Variants in IQSEC1 observed in about 807,000 individuals in gnomAD.
The protein encoded by IQSEC1 is IQ motif and SEC7 domain-containing protein 1.
IQSEC1 carries 31 observed loss-of-function variants against 91.0 expected under a neutral mutation model. The observed-to-expected ratio is 0.34, with a 90% confidence interval of 0.26 to 0.46. The LOEUF is 0.46. IQSEC1 is among the 20% of genes least tolerant of loss of function. IQSEC1 has a pLI of 1.00. For missense variants in IQSEC1, 1,388 were observed against 1,575.6 expected (o/e 0.88, Z 2.02); for synonymous variants, 699 against 662.6 (o/e 1.05, Z -0.84).
chr3:13,267,132 T>C (rs1037818245), intron 1 of IQSEC1, among the ~76,000 whole-genome samples: 3 of 152,108 alleles, frequency 2.0e-5, no homozygotes, highest in African/African-American at 4.8e-5. Flanking sequence ...GCCCTCCTGA[T>C]TGGGATAAGT....
upstream of IQSEC1, among the ~76,000 whole-genome samples, chr3:13,077,685 T>A (rs1705584468): frequency 2.6e-5 from 4 of 152,126 alleles, no homozygotes; most frequent in Non-Finnish European, 5.9e-5. Flanking sequence ...ACCCCTCACG[T>A]GCAGGTGGCT....
intron 1 of IQSEC1, among the ~76,000 whole-genome samples, chr3:13,254,021 C>T (rs1695244417): frequency 6.6e-6 from 1 of 152,218 alleles, no homozygotes; most frequent in Non-Finnish European, 1.5e-5. Flanking sequence ...GCAGCCCCTC[C>T]ACATAACTAC....
intron 1 of IQSEC1, among the ~76,000 whole-genome samples, chr3:13,196,043 T>C (rs1444930289): frequency 6.6e-6 from 1 of 152,104 alleles, no homozygotes; most frequent in African/African-American, 2.4e-5. Context: ...AGAGTTTCGG[T>C]TTTTTACAAA....
In IQSEC1 at chr3:13,131,478, C is replaced by CTTTT. The variant is rs61345195; in HGVS notation, c.302+32622_302+32625dup. ...GAAATGTTTAGGTTTAAATCTATGT[C>CTTTT]TTTTTTTTTTTTTTTTTTTTTTTTT... On this transcript the variant is annotated intron_variant, in intron 2 of 15. Transcript: ENST00000648114. Among the ~76,000 whole-genome samples, 62 of 81,706 alleles carry CTTTT rather than the reference C, an allele frequency of 7.6e-4. 5 individuals carry two copies. Among genetic ancestry groups the CTTTT allele is most frequent in the African/African-American group, 2.6e-3 (57 of 21,580 alleles). The allele number at this position is 81,706 out of a possible 152,430, so 53.6% of individuals were successfully genotyped here.
chr3:12,996,903 T>G (rs1702246921), intron 1 of IQSEC1, among the ~76,000 whole-genome samples: 1 of 152,262 alleles, frequency 6.6e-6, no homozygotes, highest in African/African-American at 2.4e-5. Flanking sequence ...ATACTTTTGC[T>G]GCTAAAGGTG....
intron 2 of IQSEC1, among the ~76,000 whole-genome samples, chr3:13,154,040 G>A (rs1707042291): frequency 6.6e-6 from 1 of 152,082 alleles, no homozygotes; most frequent in South Asian, 2.1e-4. Context: ...ATCGAGGACG[G>A]ATTTTAAGGA....
At chr3:13,076,027 G>A (rs1371160907), upstream of IQSEC1, among the ~76,000 whole-genome samples, 6 of 152,214 alleles carry the variant, frequency 3.9e-5, no homozygotes, top group African/African-American at 1.2e-4. Flanking sequence ...GCCTGTGGTC[G>A]TGAGAGGGTC....
intron 2 of IQSEC1, among the ~76,000 whole-genome samples, chr3:13,106,479 C>T (rs529822429): frequency 6.6e-6 from 1 of 152,288 alleles, no homozygotes; most frequent in East Asian, 1.9e-4. Context: ...AATCCTGAGG[C>T]CAAGCCCATG....
Position 12,898,586 on chromosome 3 carries a change from A to G in IQSEC1, c.*2397T>C, listed in dbSNP as rs1320684306. On this transcript the variant is annotated 3_prime_UTR_variant, in exon 14 of 14. Coordinates refer to ENST00000613206, the MANE Select transcript of IQSEC1 (RefSeq NM_001134382.3). ...TGGGGTTTTCTGTCTGTTCCTATTC[A>G]TTACTGCTACCCTTCAGAAAGAGCA... 1 of 152,154 alleles carries G rather than the reference A, an allele frequency of 6.6e-6. No homozygotes were observed. The highest frequency in any genetic ancestry group is 1.9e-4 in the East Asian group (1 of 5,192). The allele number at this position is 152,154 out of a possible 1,614,324, so 9.4% of individuals were successfully genotyped here. A position where few individuals can be genotyped will look rare whatever the true frequency, so the allele number is the denominator to read the frequency against.
chr3:13,096,710 T>C (rs1705969293), intron 2 of IQSEC1, among the ~76,000 whole-genome samples: 1 of 152,204 alleles, frequency 6.6e-6, no homozygotes, highest in Non-Finnish European at 1.5e-5. Flanking sequence ...CCCAGCCACT[T>C]GGCTACATAC....
intron 1 of IQSEC1, among the ~76,000 whole-genome samples, chr3:13,037,864 G>A (rs370904746): frequency 6.6e-6 from 1 of 152,078 alleles, no homozygotes; most frequent in South Asian, 2.1e-4. Flanking sequence ...GTGAAGGGAG[G>A]GGGGAGTTAG....
chr3:13,163,989 G>A (rs1693413308), intron 2 of IQSEC1, among the ~76,000 whole-genome samples: 1 of 152,208 alleles, frequency 6.6e-6, no homozygotes, highest in African/African-American at 2.4e-5. Flanking sequence ...GGGCAGCCAG[G>A]GGAGGAGAGG....
chr3:13,053,806 C>T (rs748062677), intron 1 of IQSEC1, among the ~76,000 whole-genome samples: 16 of 152,220 alleles, frequency 1.1e-4, no homozygotes, highest in Non-Finnish European at 2.4e-4. Flanking sequence ...CACTGTCCCC[C>T]TCCCTCTTAT....
intron 1 of IQSEC1, among the ~76,000 whole-genome samples, chr3:13,060,746 C>T (rs909287487): frequency 1.3e-5 from 2 of 152,204 alleles, no homozygotes; most frequent in African/African-American, 2.4e-5. Flanking sequence ...CCGGGAGACT[C>T]ATCAGCCGGA....
chr3:13,209,993 C>T (rs1694414077), intron 1 of IQSEC1, among the ~76,000 whole-genome samples: 1 of 152,114 alleles, frequency 6.6e-6, no homozygotes, highest in South Asian at 2.1e-4. Context: ...GCTCAGGAGT[C>T]TCAGCCCAGC....
intron 2 of IQSEC1, among the ~76,000 whole-genome samples, chr3:13,090,429 T>A (rs1044454032): frequency 6.6e-6 from 1 of 152,188 alleles, no homozygotes; most frequent in Non-Finnish European, 1.5e-5. Context: ...TATGAATGAA[T>A]GATTGCAATC....
At chr3:13,183,502 G>A (rs1349912792) in intron 1 of IQSEC1, among the ~76,000 whole-genome samples, 1 of 151,684 alleles carries the variant, frequency 6.6e-6, no homozygotes, top group Non-Finnish European at 1.5e-5. Context: ...GGAGGCAGAG[G>A]TTGCAGTGAG....
chr3:13,026,695 C>T (rs532168346), intron 1 of IQSEC1, among the ~76,000 whole-genome samples: 6 of 152,302 alleles, frequency 3.9e-5, no homozygotes, highest in Admixed American at 3.9e-4. Context: ...GCCCTGCATC[C>T]TCTCCGTTCC....
chr3:13,279,033 G>T (rs911221327), intron 1 of IQSEC1, among the ~76,000 whole-genome samples: 7 of 152,176 alleles, frequency 4.6e-5, no homozygotes, highest in Admixed American at 4.6e-4. Flanking sequence ...CCAAGGCATA[G>T]ACCGTAAGCA....
Sources: allele counts gnomAD v4.1 joint callset (sites outside exome capture counted in the v4.1 genomes callset), GRCh38; gene constraint gnomAD v4.1.1; transcripts MANE v1.5; gene names NCBI Gene and HGNC (gene_info 2026-07-23, HGNC 2026-07-21).